The following ANPEP variants were observed in gnomAD, a reference collection of about 807,000 sequenced individuals.
The protein encoded by ANPEP is aminopeptidase N.
A neutral mutation model predicts 114.6 loss-of-function variants in ANPEP; 70 were observed. The observed-to-expected ratio is 0.61, with a 90% CI of 0.50 to 0.75. The LOEUF (loss-of-function observed/expected upper bound fraction) is 0.75, where lower values mean the gene tolerates loss of function less well. Ranked by LOEUF, ANPEP falls within the 30% of genes least tolerant of loss-of-function variation. ANPEP has a pLI of 0.00. For synonymous variants in ANPEP, 548 were observed against 522.3 expected (o/e 1.05, Z -0.67); for missense variants, 1,184 against 1,259.5 (o/e 0.94, Z 0.91).
intron 18 of ANPEP, among the ~76,000 whole-genome samples, 157 bp from the exon 19 acceptor site, chr15:89,791,250 A>T (rs566024664): frequency 1.3e-5 from 2 of 152,122 alleles, no homozygotes; most frequent in South Asian, 4.2e-4. Flanking sequence ...CCCTCTATAG[A>T]TGGAAAACTG....
chr15:89,809,047 C>T (rs1448098583), intron 1 of ANPEP, among the ~76,000 whole-genome samples: 1 of 152,140 alleles, frequency 6.6e-6, no homozygotes, highest in African/African-American at 2.4e-5. Context: ...GCAGACACCC[C>T]ATTAGGCTTG....
Position 89,805,477 on chromosome 15 carries a change from A to T in ANPEP, c.615-14T>A, listed in dbSNP as rs1228150737. On this transcript the variant is annotated splice_polypyrimidine_tract_variant and intron_variant, in intron 2 of 20. Coordinates refer to ENST00000300060, the MANE Select transcript of ANPEP (RefSeq NM_001150.3). Reference sequence around the variant, plus strand: ...GTGGCCACCACCCTGCCCCAACAGGAAGGTTAGAGGGTGTGCCAGAGCTGG... The same window carrying T: ...GTGGCCACCACCCTGCCCCAACAGGTAGGTTAGAGGGTGTGCCAGAGCTGG... 1 of 1,613,770 alleles carries T rather than the reference A, an allele frequency of 6.2e-7. No homozygotes were observed.
At chr15:89,807,089 A>C (rs1281817893) in intron 1 of ANPEP, 1 of 154,218 alleles carries the variant, frequency 6.5e-6, no homozygotes, top group African/African-American at 2.4e-5. Context: ...GCATCTCTGG[A>C]AGGATGCCAG....
chr15:89,797,224 C>T (rs1352027408), intron 15 of ANPEP, among the ~76,000 whole-genome samples: 1 of 152,236 alleles, frequency 6.6e-6, no homozygotes, highest in Non-Finnish European at 1.5e-5. Context: ...TTCTGGCCCT[C>T]AGCATGGTGG....
chr15:89,790,917 C>G (rs182894281), intron 19 of ANPEP, 36 bp downstream of exon 19: 4 of 1,605,798 alleles, frequency 2.5e-6, no homozygotes, highest in Non-Finnish European at 3.4e-6. Context: ...CCAGCCTCGG[C>G]GCTCGCTGTC....
Position 89,803,560 on chromosome 15 carries a change from C to T in ANPEP, c.1438-53G>A, listed in dbSNP as rs1596168116. ...AAGGCTGTGCAGAGCCACCAGGACC[C>T]TGTGCCCCCAGACCCTGCCTTCAGT... On this transcript the variant is annotated intron_variant, in intron 8 of 20. Transcript: ENST00000300060. This position sits in a 1 kb window ranked among gnomAD's most constrained non-coding sequence, Gnocchi z 4.2. 1 of 1,602,884 alleles carries T rather than the reference C, an allele frequency of 6.2e-7. No individual in the cohort carries two copies. The highest frequency in any genetic ancestry group is 8.5e-7 in the Non-Finnish European group (1 of 1,176,590).
intron 15 of ANPEP, among the ~76,000 whole-genome samples, chr15:89,793,759 G>A (rs1968678227): frequency 6.7e-6 from 1 of 148,242 alleles, no homozygotes; most frequent in Admixed American, 6.7e-5. Context: ...GGGAAACACA[G>A]AGAAGTATAT....
chr15:89,804,208 G>A (rs1171552076), intron 6 of ANPEP, 45 bp downstream of exon 6: 10 of 1,609,190 alleles, frequency 6.2e-6, no homozygotes, highest in South Asian at 3.3e-5. Context: ...GTCTCCTCTC[G>A]GAGCCCCTGT....
At position 89,785,013 on chromosome 15, in the gene ANPEP, C is replaced by T. The variant is rs1375263863; in HGVS notation, c.*336G>A. On this transcript the variant is annotated 3_prime_UTR_variant, in exon 21 of 21. Coordinates refer to ENST00000300060, the MANE Select transcript of ANPEP (RefSeq NM_001150.3). ...AGGTGAAAGAGGGTACAGGGCGGCC[C>T]CCAGCAAGGCCGTTCATTGTCCATC... 3.6e-6 allele frequency: 1 copy of T among 281,064 alleles called. No individual in the cohort carries two copies. Among genetic ancestry groups the T allele is most frequent in the African/African-American group, 2.1e-5 (1 of 46,778 alleles). The allele number at this position is 281,064 out of a possible 1,614,324, so 17.4% of individuals were successfully genotyped here. A position where few individuals can be genotyped will look rare whatever the true frequency, so the allele number is the denominator to read the frequency against.
Position 89,785,291 on chromosome 15 carries a change from T to C in ANPEP, c.*58A>G, listed in dbSNP as rs572491782. The C allele has an allele frequency of 6.3e-4, 1,015 of 1,602,724 alleles. 1 individual carries two copies. The highest frequency in any genetic ancestry group is 7.9e-4 in the Non-Finnish European group (929 of 1,171,168). ...GGAATGGAGGCCCTGCACCAGCCGC[T>C]GGGATGGACACATGTGGGCACCTTG... On this transcript the variant is annotated 3_prime_UTR_variant, in exon 21 of 21. Transcript: ENST00000300060.
chr15:89,808,453 T>C (rs1894763044), intron 1 of ANPEP, among the ~76,000 whole-genome samples: 1 of 152,200 alleles, frequency 6.6e-6, no homozygotes, highest in Admixed American at 6.5e-5. Flanking sequence ...CACCAGCACT[T>C]AGCACAGTGC....
rs772005048 is a variant in ANPEP, at chr15:89,803,423, C to T, written c.1503+19G>A. On this transcript the variant is annotated intron_variant, in intron 9 of 20. Transcript: ENST00000300060. This position sits in a 1 kb window ranked among gnomAD's most constrained non-coding sequence, Gnocchi z 4.2. ...GAAGGAGACCCACCCTCATGGCTGG[C>T]CCAGGGTGCAGTACTCACCGCCAGG... The T allele has an allele frequency of 5.6e-6, 9 of 1,608,986 alleles. No homozygotes were observed. The highest frequency in any genetic ancestry group is 7.6e-6 in the Non-Finnish European group (9 of 1,177,544).
Position 89,803,731 on chromosome 15 carries a change from G to A in ANPEP, c.1353C>T (p.Ser451=), listed in dbSNP as rs772652572. 1 of 1,612,532 alleles carries A rather than the reference G, an allele frequency of 6.2e-7. No individual in the cohort carries two copies. Among genetic ancestry groups the A allele is most frequent in the Non-Finnish European group, 8.5e-7 (1 of 1,178,998 alleles). The change falls in exon 8 of 21, where the codon TCC becomes TCT. Residue 451 remains serine (S), a synonymous_variant. Transcript: ENST00000300060. The surrounding 1 kb of genome is among the most constrained non-coding windows in gnomAD (Gnocchi z 4.2). The part of the protein sequence containing the change: ...YRVMAVDALA[S]SHPLSTPASE... ...AGGCGGGTGTGGACAGCGGGTGGGAGGAGGCCAGTGCATCCACTGCCATCA... is the reference window on the plus strand; with the variant it reads ...AGGCGGGTGTGGACAGCGGGTGGGAAGAGGCCAGTGCATCCACTGCCATCA...
At chr15:89,814,688 C>A in intron 1 of ANPEP, 84 bp downstream of exon 1, 1 of 152,656 alleles carries the variant, frequency 6.6e-6, no homozygotes, top group South Asian at 2.0e-4. Flanking sequence ...AGCGCTGGGT[C>A]TGCAGCTCCC....
Position 89,803,200 on chromosome 15 carries a change from C to T in ANPEP, c.1569+39G>A. 3 of 1,601,464 alleles carry T rather than the reference C, an allele frequency of 1.9e-6. No individual in the cohort carries two copies. The highest frequency in any genetic ancestry group is 1.7e-6 in the Non-Finnish European group (2 of 1,168,538). Reference sequence around the variant, plus strand: ...CCAGGTACCTTCAGCATCTCAAGACCCCAACAGGATGGCTGTGGAGGGGCT... The same window carrying T: ...CCAGGTACCTTCAGCATCTCAAGACTCCAACAGGATGGCTGTGGAGGGGCT... On this transcript the variant is annotated intron_variant, in intron 10 of 20. Transcript: ENST00000300060. The surrounding 1 kb of genome is among the most constrained non-coding windows in gnomAD (Gnocchi z 4.2).
intron 1 of ANPEP, among the ~76,000 whole-genome samples, chr15:89,809,324 C>T (rs1296187922): frequency 2.6e-5 from 4 of 152,180 alleles, no homozygotes; most frequent in Non-Finnish European, 5.9e-5. Flanking sequence ...ACCCACAAGT[C>T]GGCCTGGACT....
At chr15:89,814,034 C>G (rs968204149) in intron 1 of ANPEP, among the ~76,000 whole-genome samples, 9 of 148,094 alleles carry the variant, frequency 6.1e-5, no homozygotes, top group Non-Finnish European at 1.2e-4. Context: ...GGAAAGGATC[C>G]CATTGGCCCT....
At chr15:89,798,356 G>C (rs1968769055) in intron 14 of ANPEP, among the ~76,000 whole-genome samples, 1 of 152,190 alleles carries the variant, frequency 6.6e-6, no homozygotes. Flanking sequence ...GCTTGGTGCA[G>C]CTGGGCACGG....
At chr15:89,785,670 T>C (rs1156556375) in intron 20 of ANPEP, among the ~76,000 whole-genome samples, 169 bp from the exon 21 acceptor site, 3 of 152,220 alleles carry the variant, frequency 2.0e-5, no homozygotes, top group African/African-American at 7.2e-5. Flanking sequence ...GCAAAGTCCT[T>C]GTGAACACAG....
Sources: gnomAD v4.1 joint callset for allele counts (sites outside exome capture counted in the v4.1 genomes callset) on GRCh38, gnomAD v4.1.1 for gene constraint, Gnocchi (gnomAD v3.1) non-coding constraint, MANE v1.5 for transcripts, NCBI Gene and HGNC (gene_info 2026-07-23, HGNC 2026-07-21) for gene names.